Variants in HFM1 observed in about 807,000 individuals in gnomAD.
The protein encoded by HFM1 is probable ATP-dependent DNA helicase HFM1.
In HFM1, 169 loss-of-function variants were observed where a neutral mutation model predicts 192.1. The ratio of observed to expected loss-of-function variants is 0.88; its 90% confidence interval spans 0.78 to 1.00. The LOEUF is 1.00. Among genes scored for constraint, HFM1 ranks in the 50% least tolerant of loss-of-function variants. The probability of loss-of-function intolerance (pLI) is 0.00; values close to 1 mark genes in which losing one functional copy is unlikely to be tolerated. For missense variants in HFM1, 1,661 were observed against 1,668.0 expected (o/e 1.00, Z 0.07); for synonymous variants, 525 against 537.8 (o/e 0.98, Z 0.33).
intron 30 of HFM1, among the ~76,000 whole-genome samples, chr1:91,308,256 T>C (rs946330035): frequency 3.9e-5 from 6 of 152,146 alleles, no homozygotes; most frequent in Admixed American, 1.3e-4. Flanking sequence ...TTGAGTATTA[T>C]ATTCCTTTGT....
intron 20 of HFM1, chr1:91,328,601 T>C (rs1482539805): frequency 1.2e-6 from 2 of 1,605,250 alleles, no homozygotes; most frequent in African/African-American, 2.7e-5. Flanking sequence ...ACTATTCGCG[T>C]GATGGAGAAC....
intron 2 of HFM1, 121 bp from the exon 3 acceptor site, chr1:91,396,526 G>A: frequency 1.8e-6 from 1 of 558,838 alleles, no homozygotes. Flanking sequence ...CTTTCTGTCA[G>A]CACTTTGATT....
intron 30 of HFM1, among the ~76,000 whole-genome samples, chr1:91,291,547 G>T (rs1668756549): frequency 6.6e-6 from 1 of 152,192 alleles, no homozygotes; most frequent in East Asian, 1.9e-4. Flanking sequence ...AGCTGAAATT[G>T]TGGCAATAAT....
chr1:91,276,029 G>A (rs281962), intron 32 of HFM1, among the ~76,000 whole-genome samples: 152,094 of 152,276 alleles, frequency 1, 75,956 homozygotes, highest in Non-Finnish European at 1. Context: ...AACTCTAGAC[G>A]TACTGTATTA....
intron 4 of HFM1, among the ~76,000 whole-genome samples, chr1:91,391,808 C>G (rs532863481): frequency 6.6e-6 from 1 of 152,096 alleles, no homozygotes; most frequent in South Asian, 2.1e-4. Flanking sequence ...TCAGAGTGAA[C>G]AGGCAACCAA....
chr1:91,338,102 G>A (rs572199758), intron 20 of HFM1, among the ~76,000 whole-genome samples: 33 of 152,302 alleles, frequency 2.2e-4, no homozygotes, highest in Non-Finnish European at 2.9e-5. Flanking sequence ...TTAAACAGGT[G>A]AGGAGTGGCC....
At chr1:91,356,118 C>T (rs1014647370) in intron 13 of HFM1, among the ~76,000 whole-genome samples, 1 of 151,894 alleles carries the variant, frequency 6.6e-6, no homozygotes, top group African/African-American at 2.4e-5. Flanking sequence ...AACTAAACAA[C>T]ATGCTCCTAA....
rs144568311 is a variant in HFM1 at position 91,359,341 on chromosome 1, A to G, written c.1686-6042T>C. Among the ~76,000 whole-genome samples, 50 of 152,298 alleles carry G rather than the reference A, an allele frequency of 3.3e-4. 1 individual carries two copies. The East Asian group carries it at 9.7e-3, about 29-fold the overall frequency. On this transcript the variant is annotated intron_variant, in intron 13 of 38. Transcript: ENST00000370425. The stretch of plus-strand genomic sequence containing the variant: ...GGAGCATGTTATAACCTAATGCAAA[A>G]AAAGGTAAGAACCATGGTAAAACAG...
At chr1:91,389,359 A>G (rs1341870007) in intron 4 of HFM1, among the ~76,000 whole-genome samples, 1 of 151,922 alleles carries the variant, frequency 6.6e-6, no homozygotes, top group Non-Finnish European at 1.5e-5. Context: ...ACAGGGTTTT[A>G]CCATGTTGGT....
intron 1 of HFM1, among the ~76,000 whole-genome samples, chr1:91,401,347 A>G (rs1366864308): frequency 6.6e-6 from 1 of 152,154 alleles, no homozygotes; most frequent in Non-Finnish European, 1.5e-5. Context: ...CAATGCTTGG[A>G]ATGTGTTTTC....
chr1:91,378,216 A>G, intron 10 of HFM1, 33 bp from the exon 11 acceptor site: 2 of 1,486,374 alleles, frequency 1.3e-6, no homozygotes, highest in Non-Finnish European at 1.8e-6. Flanking sequence ...ATCATTAGCT[A>G]TAGAATTAAA....
chr1:91,323,045 TTAAA>T (rs751977426), intron 22 of HFM1, 44 bp downstream of exon 22: 3 of 1,337,244 alleles, frequency 2.2e-6, no homozygotes, highest in South Asian at 3.0e-5. Context: ...TTTATTTTAA[TTAAA>T]TAAAACCTCT....
chr1:91,378,231 C>A, intron 10 of HFM1, 48 bp from the exon 11 acceptor site: 1 of 1,378,154 alleles, frequency 7.3e-7, no homozygotes, highest in East Asian at 2.5e-5. Flanking sequence ...ATTAAAAATA[C>A]ATTTAATCAA....
chr1:91,328,773 T>C lies in HFM1; in HGVS notation c.2336-4007A>G. On this transcript the variant is annotated intron_variant, in intron 20 of 38. Transcript: ENST00000370425. Reference sequence around the variant, plus strand: ...GTGGAAAAATTCACTAAGTGGCTGGTGAAGGTCACTAAGCAGCACAACGAT... The same window carrying C: ...GTGGAAAAATTCACTAAGTGGCTGGCGAAGGTCACTAAGCAGCACAACGAT... 1.9e-6 allele frequency: 3 copies of C among 1,606,754 alleles called. No homozygotes were observed. In the South Asian group the frequency reaches 3.3e-5, roughly 18 times the overall value.
intron 30 of HFM1, among the ~76,000 whole-genome samples, chr1:91,289,454 C>A (rs1333486805): frequency 6.6e-6 from 1 of 152,140 alleles, no homozygotes; most frequent in Non-Finnish European, 1.5e-5. Flanking sequence ...ACTTCCTAGA[C>A]AGAGTGGCAC....
chr1:91,319,161 A>G lies in HFM1; in HGVS notation c.2729T>C (p.Leu910Ser). 1 of 1,611,146 alleles carries G rather than the reference A, an allele frequency of 6.2e-7. No individual in the cohort carries two copies. The highest frequency in any genetic ancestry group is 8.5e-7 in the Non-Finnish European group (1 of 1,179,072). The change falls in exon 25 of 39, where the codon TTG becomes TCG. Residue 910 changes from leucine (L) to serine (S), a missense_variant. By Grantham distance (145) the Leu-to-Ser change is moderately radical. Transcript: ENST00000370425. ...ACATTTAGCTAAAATCAAACTATTC[A>G]ATAGTACAGCAAACTTCTTTTCTTG... ...AAQEKKFAVLLNSLILAKCFR... is the reference protein window; with the variant it reads ...AAQEKKFAVLSNSLILAKCFR...
Position 91,311,483 on chromosome 1 carries a change from G to A in HFM1, c.3391+1866C>T, listed in dbSNP as rs982416830. ...TCTACTAAAAATACAAAAATTAGCCGGGCATGCTGGTGGGTGCCTGTAGTC... is the reference window on the plus strand; with the variant it reads ...TCTACTAAAAATACAAAAATTAGCCAGGCATGCTGGTGGGTGCCTGTAGTC... On this transcript the variant is annotated intron_variant, in intron 30 of 38. Transcript: ENST00000370425. 5.3e-5 allele frequency among the ~76,000 whole-genome samples: 8 copies of A among 151,970 alleles called. No individual in the cohort carries two copies. The South Asian group carries it at 6.2e-4, about 12-fold the overall frequency.
At chr1:91,329,756 C>T (rs1653521520) in intron 20 of HFM1, among the ~76,000 whole-genome samples, 1 of 152,156 alleles carries the variant, frequency 6.6e-6, no homozygotes. Context: ...ACTTCTCAGG[C>T]AGTTTAGTGG....
At chr1:91,366,941 C>A (rs11165127) in intron 13 of HFM1, among the ~76,000 whole-genome samples, 1 of 152,304 alleles carries the variant, frequency 6.6e-6, no homozygotes, top group Admixed American at 6.5e-5. Flanking sequence ...TCTTAGCAAA[C>A]GGCACACCAG....
Sources: allele counts gnomAD v4.1 joint callset (sites outside exome capture counted in the v4.1 genomes callset), GRCh38; gene constraint gnomAD v4.1.1; transcripts MANE v1.5; gene names NCBI Gene and HGNC (gene_info 2026-07-23, HGNC 2026-07-21).